The following CACNB2 variants were observed in gnomAD, a reference collection of about 807,000 sequenced individuals.
The protein encoded by CACNB2 is calcium voltage-gated channel auxiliary subunit beta 2.
In CACNB2, 42 loss-of-function variants were observed where a neutral mutation model predicts 73.3. The ratio of observed to expected loss-of-function variants is 0.57; its 90% CI spans 0.45 to 0.74. The LOEUF (loss-of-function observed/expected upper bound fraction) is 0.74, where lower values mean the gene tolerates loss of function less well. Among genes scored for constraint, CACNB2 ranks in the 30% least tolerant of loss-of-function variants. The pLI is 0.00. For synonymous variants in CACNB2, 348 were observed against 310.3 expected (o/e 1.12, Z -1.28); for missense variants, 940 against 853.0 (o/e 1.10, Z -1.27).
chr10:18,254,817 G>A (rs963502236), intron 2 of CACNB2, among the ~76,000 whole-genome samples: 2 of 152,176 alleles, frequency 1.3e-5, no homozygotes, highest in African/African-American at 4.8e-5. Flanking sequence ...ATCACAGATC[G>A]GATTACTGAA....
Position 18,514,275 on chromosome 10 carries a change from A to T in CACNB2, c.710A>T (p.Asn237Ile). 6.2e-7 allele frequency: 1 copy of T among 1,614,106 alleles called. No homozygotes were observed. ...GCTACTGGCTTAGATGCAGAAGAAA[A>T]TGATATTCCAGCAAACCACCGCTCC... ...IDATGLDAEE[N>I]DIPANHRSPK... is the part of the protein sequence containing the mutation. Residue 237 changes from asparagine to isoleucine, a missense_variant, in exon 7 of 14, where the codon AAT becomes ATT. Asn to Ile is a moderately radical substitution (Grantham distance 149, BLOSUM62 -3). Coordinates refer to ENST00000324631, the MANE Select transcript of CACNB2 (RefSeq NM_201596.3).
chr10:18,518,442 C>G, intron 8 of CACNB2, 26 bp downstream of exon 8: 4 of 1,466,032 alleles, frequency 2.7e-6, no homozygotes, highest in Non-Finnish European at 3.8e-6. Flanking sequence ...CCACAGGAAG[C>G]TTAACTTGCA....
At chr10:18,349,572 C>T in intron 2 of CACNB2, among the ~76,000 whole-genome samples, 1 of 152,010 alleles carries the variant, frequency 6.6e-6, no homozygotes, top group South Asian at 2.1e-4. Flanking sequence ...GTGAGATGAG[C>T]CAGACACAAG....
At chr10:18,495,236 A>G (rs1298240232) in intron 3 of CACNB2, among the ~76,000 whole-genome samples, 9 of 142,902 alleles carry the variant, frequency 6.3e-5, no homozygotes, top group African/African-American at 2.3e-4. Flanking sequence ...TTTTTTTTTT[A>G]GATAGAGTCT....
chr10:18,435,906 G>A (rs908742484), intron 3 of CACNB2, among the ~76,000 whole-genome samples: 92 of 148,766 alleles, frequency 6.2e-4, no homozygotes, highest in African/African-American at 2.1e-3. Context: ...TCTACACAGA[G>A]CTCAACCAAT....
At chr10:18,311,130 T>C (rs2039948851) in intron 2 of CACNB2, among the ~76,000 whole-genome samples, 1 of 152,176 alleles carries the variant, frequency 6.6e-6, no homozygotes, top group Non-Finnish European at 1.5e-5. Context: ...TTTGCTTAAG[T>C]TCCTTGTATT....
chr10:18,482,823 T>C (rs887650437), intron 3 of CACNB2, among the ~76,000 whole-genome samples: 3 of 152,176 alleles, frequency 2.0e-5, no homozygotes, highest in African/African-American at 7.2e-5. Context: ...GGGGTATCTT[T>C]ATTAAAGACC....
In CACNB2 at chr10:18,541,886, C is replaced by G. The variant is rs902983005; in HGVS notation, c.*2162C>G. On this transcript the variant is annotated 3_prime_UTR_variant, in exon 14 of 14. Coordinates refer to ENST00000324631, the MANE Select transcript of CACNB2 (RefSeq NM_201596.3). ...CCAAAAAAGAAAAAAAAACAAAAAA[C>G]AAAAAAAACTATCCAGCAAAATTAT... 1 of 151,046 alleles carries G rather than the reference C, an allele frequency of 6.6e-6. No homozygotes were observed. Among genetic ancestry groups the G allele is most frequent in the African/African-American group, 2.4e-5 (1 of 41,110 alleles). The allele number at this position is 151,046 out of a possible 1,614,324, so 9.4% of individuals were successfully genotyped here. A position where few individuals can be genotyped will look rare whatever the true frequency, so the allele number is the denominator to read the frequency against.
At chr10:18,421,307 T>G (rs1265212271) in intron 3 of CACNB2, among the ~76,000 whole-genome samples, 3 of 151,948 alleles carry the variant, frequency 2.0e-5, no homozygotes, top group East Asian at 1.9e-4. Flanking sequence ...TTTTGTTTTT[T>G]TTTTTCTAAG....
chr10:18,510,887 C>T (rs1437587502), intron 6 of CACNB2, among the ~76,000 whole-genome samples: 1 of 152,172 alleles, frequency 6.6e-6, no homozygotes, highest in African/African-American at 2.4e-5. Context: ...ATAATGAATT[C>T]CTGACGCAGA....
chr10:18,346,587 T>A (rs1406231937), intron 2 of CACNB2, among the ~76,000 whole-genome samples: 1 of 151,638 alleles, frequency 6.6e-6, no homozygotes, highest in Non-Finnish European at 1.5e-5. Context: ...TGTTAGTGGC[T>A]TTTTTGGGGG....
chr10:18,315,466 G>A (rs1237777877), intron 2 of CACNB2, among the ~76,000 whole-genome samples: 1 of 120,882 alleles, frequency 8.3e-6, no homozygotes, highest in East Asian at 2.6e-4. Context: ...TTTGAGATCA[G>A]CCTGGGCAGC....
At chr10:18,227,623 T>A (rs919746038) in intron 2 of CACNB2, among the ~76,000 whole-genome samples, 1 of 152,162 alleles carries the variant, frequency 6.6e-6, no homozygotes, top group African/African-American at 2.4e-5. Flanking sequence ...AAAGGTGGTC[T>A]TGGGCGGCCG....
At chr10:18,220,243 A>AGGGGG (rs1374853215) in intron 2 of CACNB2, among the ~76,000 whole-genome samples, 1 of 89,340 alleles carries the variant, frequency 1.1e-5, no homozygotes, top group East Asian at 3.8e-4. Flanking sequence ...AGAGAGAGAG[A>AGGGGG]GAGAGAGAGA....
intron 2 of CACNB2, among the ~76,000 whole-genome samples, chr10:18,307,983 C>CATTTTTTTTTTTTTTTTTTTTTTTT (rs1356604464): frequency 2.8e-5 from 2 of 70,246 alleles, no homozygotes; most frequent in African/African-American, 1.2e-4. Flanking sequence ...TATATGCCAA[C>CATTTTTTTTTTTTTTTTTTTTTTTT]TTTTTTTTTT....
intron 2 of CACNB2, chr10:18,401,202 C>A: frequency 7.3e-7 from 1 of 1,377,356 alleles, no homozygotes; most frequent in East Asian, 2.4e-5. Context: ...TTTGGTTAAT[C>A]GGATCATGAT....
chr10:18,279,784 A>G (rs957081852), intron 2 of CACNB2, among the ~76,000 whole-genome samples: 13 of 152,144 alleles, frequency 8.5e-5, no homozygotes, highest in African/African-American at 2.9e-4. Flanking sequence ...AAAGAAAACA[A>G]TTTTCCACCC....
intron 3 of CACNB2, among the ~76,000 whole-genome samples, chr10:18,457,002 C>T (rs2047315489): frequency 6.6e-6 from 1 of 152,164 alleles, no homozygotes; most frequent in African/African-American, 2.4e-5. Context: ...CCTTCTACCA[C>T]TGGGCATAGT....
At chr10:18,172,664 T>C (rs193051558) in intron 2 of CACNB2, among the ~76,000 whole-genome samples, 17 of 152,292 alleles carry the variant, frequency 1.1e-4, no homozygotes, top group African/African-American at 3.8e-4. Flanking sequence ...TTAATTTTAG[T>C]GTCATCAGCC....
Sources: gnomAD v4.1 joint callset for allele counts (sites outside exome capture counted in the v4.1 genomes callset) on GRCh38, gnomAD v4.1.1 for gene constraint, MANE v1.5 for transcripts, NCBI Gene and HGNC (gene_info 2026-07-23, HGNC 2026-07-21) for gene names.